Variants in CASK observed in about 807,000 individuals in gnomAD.
The protein encoded by CASK is peripheral plasma membrane protein CASK.
In CASK, 4 loss-of-function variants were observed where a neutral mutation model predicts 82.9. The ratio of observed to expected loss-of-function variants is 0.05; its 90% CI spans 0.02 to 0.11. CASK has a LOEUF of 0.11. Among genes scored for constraint, CASK ranks in the 10% least tolerant of loss-of-function variants. CASK has a pLI of 1.00. For missense variants in CASK, 358 were observed against 720.9 expected (o/e 0.50, Z 5.76); for synonymous variants, 259 against 253.5 (o/e 1.02, Z -0.20).
chrX:41,624,372 G>A (rs904263383), intron 10 of CASK: 1 of 310,893 alleles, frequency 3.2e-6, no homozygotes, highest in African/African-American at 2.7e-5. Flanking sequence ...AGAGAAAAAT[G>A]GCAAGGCTTT....
chrX:41,843,168 A>G (rs1471079567), intron 2 of CASK, among the ~76,000 whole-genome samples: 1 of 111,947 alleles, frequency 8.9e-6, no homozygotes. Context: ...TATTTCTTGC[A>G]TAACTGCCTT....
At chrX:41,921,935 G>A (rs1193847476) in intron 1 of CASK, among the ~76,000 whole-genome samples, 1 of 104,665 alleles carries the variant, frequency 9.6e-6, no homozygotes, top group Non-Finnish European at 1.9e-5. Context: ...TCCTTATTAA[G>A]CAAAAATTTG....
chrX:41,808,344 C>T (rs188460390), intron 2 of CASK, among the ~76,000 whole-genome samples: 4 of 111,653 alleles, frequency 3.6e-5, no homozygotes, highest in Admixed American at 2.8e-4. Context: ...GAACAAGTCA[C>T]TTAACTGTTT....
Position 41,531,045 on chromosome X carries a change from C to G in CASK, c.2482G>C (p.Glu828Gln), listed in dbSNP as rs192044507. 5 of 1,210,010 alleles carry G rather than the reference C, an allele frequency of 4.1e-6. No individual in the cohort carries two copies. In the East Asian group the frequency reaches 1.5e-4, roughly 36 times the overall value. ...TCCAGTATTGCAATCAGCCCCTGCTCGTGGATCTTCCGGATGGTCTCCAGT... is the reference window on the plus strand; with the variant it reads ...TCCAGTATTGCAATCAGCCCCTGCTGGTGGATCTTCCGGATGGTCTCCAGT... ...TKLETIRKIH[E>Q]QGLIAILDVE... Residue 828 changes from glutamate (E) to glutamine (Q), a missense_variant, in exon 25 of 27, where the codon GAG (glutamate) becomes CAG (glutamine). Physicochemically the swap from Glu to Gln is conservative, Grantham distance 29. Around this residue, in one of 5 missense-constraint regions of CASK, gnomAD observed 118 missense variants for 169.4 expected, o/e 0.70. Transcript: ENST00000378163.
chrX:41,700,093 C>G (rs1038537001), intron 5 of CASK, among the ~76,000 whole-genome samples: 1 of 111,903 alleles, frequency 8.9e-6, no homozygotes, highest in Non-Finnish European at 1.9e-5. Context: ...AATGAATTGT[C>G]TGGCTGTCAG....
intron 3 of CASK, among the ~76,000 whole-genome samples, chrX:41,775,436 A>G (rs1412666970): frequency 1.2e-4 from 13 of 106,065 alleles, no homozygotes; most frequent in African/African-American, 1.7e-4. Context: ...CACTGTTGGT[A>G]GGACTGTAAA....
Position 41,559,852 on chromosome X carries a change from A to T in CASK, c.1669-5T>A, listed in dbSNP as rs187065810. The T allele has an allele frequency of 8.4e-7, 1 of 1,196,837 alleles. No individual in the cohort carries two copies. Among genetic ancestry groups the T allele is most frequent in the African/African-American group, 1.8e-5 (1 of 57,074 alleles). On this transcript the variant is annotated splice_region_variant and splice_polypyrimidine_tract_variant and intron_variant, in intron 17 of 26. Transcript: ENST00000378163. Reference sequence around the variant, plus strand: ...AATACTCCCCCGCATTTCCCTCTGGAGGGGGGGTGGTGGGAAAGAAAGAAA... The same window carrying T: ...AATACTCCCCCGCATTTCCCTCTGGTGGGGGGGTGGTGGGAAAGAAAGAAA...
intron 10 of CASK, among the ~76,000 whole-genome samples, chrX:41,624,515 T>C (rs2066334886): frequency 8.9e-6 from 1 of 112,492 alleles, no homozygotes; most frequent in African/African-American, 3.2e-5. Context: ...AATGGGAAAG[T>C]TGATCTTGTC....
At chrX:41,831,387 T>C (rs750247668) in intron 2 of CASK, among the ~76,000 whole-genome samples, 8 of 112,195 alleles carry the variant, frequency 7.1e-5, no homozygotes, top group Non-Finnish European at 1.3e-4. Context: ...GTAGATAAAG[T>C]ATTTTTTTGC....
chrX:41,845,750 A>G (rs1034276166), intron 2 of CASK, among the ~76,000 whole-genome samples: 3 of 111,107 alleles, frequency 2.7e-5, no homozygotes, highest in African/African-American at 9.8e-5. Flanking sequence ...TTATGTTTCT[A>G]ATTTTACTAC....
In CASK at chrX:41,815,929, C is replaced by T. The variant is rs776532277; in HGVS notation, c.173-28646G>A. On this transcript the variant is annotated intron_variant, in intron 2 of 26. Coordinates refer to ENST00000378163, the MANE Select transcript of CASK (RefSeq NM_001367721.1). ...AGTATGGAGTGCAGTGGTGTAATCT[C>T]GGCTCACTGCAACCTCCGCCTCCCA... Among the ~76,000 whole-genome samples, 6 of 111,100 alleles carry T rather than the reference C, an allele frequency of 5.4e-5. No homozygotes were observed. In the East Asian group the frequency reaches 1.4e-3, roughly 26 times the overall value.
intron 16 of CASK, among the ~76,000 whole-genome samples, chrX:41,564,775 A>T (rs998537609): frequency 9.0e-6 from 1 of 111,696 alleles, no homozygotes; most frequent in Non-Finnish European, 1.9e-5. Context: ...AATCAACAGA[A>T]TATATATTCT....
At chrX:41,879,679 G>A (rs192844543) in intron 1 of CASK, among the ~76,000 whole-genome samples, 5 of 111,652 alleles carry the variant, frequency 4.5e-5, no homozygotes, top group Admixed American at 3.8e-4. Flanking sequence ...AAAAGTATTC[G>A]TAAGCATTCA....
intron 5 of CASK, among the ~76,000 whole-genome samples, chrX:41,720,784 C>G (rs960578720): frequency 9.0e-6 from 1 of 111,053 alleles, no homozygotes; most frequent in African/African-American, 3.3e-5. Flanking sequence ...TCTCATGTCC[C>G]CTTGCTATGT....
rs1035354386 is a variant in CASK, at chrX:41,726,889, T to G, written c.429+12495A>C. 2.0e-4 allele frequency: 70 copies of G among 355,830 alleles called. 1 individual carries two copies. The Middle Eastern group carries it at 2.3e-3, about 12-fold the overall frequency. 29.3% of individuals were successfully genotyped at this position (355,830 alleles called of 1,213,427 possible). A position where few individuals can be genotyped will look rare whatever the true frequency, so the allele number is the denominator to read the frequency against. The stretch of plus-strand genomic sequence containing the variant: ...TCCCGTTCCATCCAATACATTTTTG[T>G]TACTATTTTATTTAATTCAATGTTT... On this transcript the variant is annotated intron_variant, in intron 5 of 26. Transcript: ENST00000378163.
At chrX:41,797,908 T>C (rs148676630) in intron 2 of CASK, among the ~76,000 whole-genome samples, 255 of 112,259 alleles carry the variant, frequency 2.3e-3, no homozygotes, top group African/African-American at 7.8e-3. Context: ...AAATGCCATC[T>C]ACTTGCAGAT....
chrX:41,527,201 G>C (rs930514522), intron 25 of CASK, among the ~76,000 whole-genome samples: 1 of 110,653 alleles, frequency 9.0e-6, no homozygotes, highest in African/African-American at 3.3e-5. Context: ...GACAGAGAGA[G>C]AGACAGAGAG....
At chrX:41,629,393 T>G (rs12396361) in intron 9 of CASK, among the ~76,000 whole-genome samples, 2,426 of 112,238 alleles carry the variant, frequency 0.022, 57 homozygotes, top group African/African-American at 0.074. Context: ...ATAATTTTAT[T>G]AGTTTGAGAA....
At chrX:41,682,812 G>A (rs938480636) in intron 5 of CASK, among the ~76,000 whole-genome samples, 3 of 109,959 alleles carry the variant, frequency 2.7e-5, no homozygotes, top group African/African-American at 6.6e-5. Context: ...AGAGTGTCTC[G>A]TTATGTTGCC....
Sources: allele counts gnomAD v4.1 joint callset (sites outside exome capture counted in the v4.1 genomes callset), GRCh38; gene constraint gnomAD v4.1.1; regional missense constraint gnomAD v4.1.1; transcripts MANE v1.5; gene names NCBI Gene and HGNC (gene_info 2026-07-23, HGNC 2026-07-21).